The following RUFY4 variants were observed in gnomAD, a reference collection of about 807,000 sequenced individuals.
RUFY4 encodes the protein RUN and FYVE domain-containing protein 4.
RUFY4 carries 73 observed loss-of-function variants against 69.0 expected under a neutral mutation model. The ratio of observed to expected loss-of-function variants is 1.06; its 90% confidence interval spans 0.88 to 1.29. The LOEUF is 1.29. Ranked by LOEUF, RUFY4 falls within the 50% of genes most tolerant of loss-of-function variation. RUFY4 has a pLI of 0.00. For missense variants in RUFY4, 770 were observed against 705.6 expected (o/e 1.09, Z -1.03); for synonymous variants, 287 against 271.8 (o/e 1.06, Z -0.55).
chr2:218,089,296 T>C (rs1250902633), exon 10 of RUFY4: 3 of 1,613,888 alleles, frequency 1.9e-6, no homozygotes, highest in Non-Finnish European at 8.5e-7. Flanking sequence ...CTCTCTTCCA[T>C]GGCTCCCGAG....
chr2:218,073,131 C>T lies in RUFY4; in HGVS notation c.387-112C>T, dbSNP rs757948857. 5.9e-4 allele frequency: 691 copies of T among 1,170,346 alleles called. 1 individual carries two copies. Among genetic ancestry groups the T allele is most frequent in the Non-Finnish European group, 6.3e-4 (556 of 879,320 alleles). The allele number at this position is 1,170,346 out of a possible 1,614,324, so 72.5% of individuals were successfully genotyped here. A position where few individuals can be genotyped will look rare whatever the true frequency, so the allele number is the denominator to read the frequency against. On this transcript the variant is annotated intron_variant, in intron 4 of 10. Coordinates refer to ENST00000344321, the Ensembl canonical transcript of RUFY4. ...CTCTGCCTGGGGAACAGCCTCATGA[C>T]GGTGTGTAGTGGAGGCTGCTTTGTT... is the stretch of plus-strand genomic sequence containing the variant.
At chr2:218,071,888 T>G (rs1219511731) in intron 2 of RUFY4, among the ~76,000 whole-genome samples, 1 of 152,096 alleles carries the variant, frequency 6.6e-6, no homozygotes, top group Non-Finnish European at 1.5e-5. Flanking sequence ...CTCAGCCCCA[T>G]CCCTGGGGCT....
At chr2:218,084,956 G>A (rs912429354) in intron 9 of RUFY4, among the ~76,000 whole-genome samples, 1 of 152,166 alleles carries the variant, frequency 6.6e-6, no homozygotes, top group Non-Finnish European at 1.5e-5. Flanking sequence ...GCTGAGGCAG[G>A]AGAATCACTT....
intron 2 of RUFY4, among the ~76,000 whole-genome samples, chr2:218,036,456 C>A (rs1035536866): frequency 5.3e-5 from 8 of 152,096 alleles, no homozygotes; most frequent in East Asian, 1.9e-4. Context: ...GGGGTGAGAA[C>A]GAGTGAGTCT....
chr2:218,072,847 G>A (rs758719065), exon 4 of RUFY4: 55 of 1,535,948 alleles, frequency 3.6e-5, no homozygotes, highest in Non-Finnish European at 4.8e-5. Flanking sequence ...AGCTGGCTGA[G>A]GCCCTGCAGC....
upstream of RUFY4, among the ~76,000 whole-genome samples, chr2:218,066,955 C>G (rs967147728): frequency 1.3e-5 from 2 of 152,250 alleles, no homozygotes; most frequent in African/African-American, 4.8e-5. Context: ...GATACCGATA[C>G]ACCTGTGTGT....
rs1385651083 is a variant in RUFY4, at chr2:218,070,794, G to A, written c.88G>A (p.Gly30Arg). Reference sequence around the variant, plus strand: ...CCTCCAGGGCTATGGGGATGGGCAGGGGCCAGTGACGGACACCAGTGCCGA... The same window carrying A: ...CCTCCAGGGCTATGGGGATGGGCAGAGGCCAGTGACGGACACCAGTGCCGA... The change falls in exon 2 of 11, where the codon GGG becomes AGG. Residue 30 changes from glycine to arginine, a missense_variant. By Grantham distance (125) the Gly-to-Arg change is moderately radical (BLOSUM62 -2). Transcript: ENST00000344321. The A allele has an allele frequency of 2.0e-6, 3 of 1,537,198 alleles. No individual in the cohort carries two copies. The highest frequency in any genetic ancestry group is 3.9e-5 in the Admixed American group (2 of 50,978).
chr2:218,073,694 G>A, intron 5 of RUFY4, 122 bp from the exon 8 acceptor site: 2 of 1,055,358 alleles, frequency 1.9e-6, no homozygotes, highest in Non-Finnish European at 2.8e-6. Flanking sequence ...AGGGTGGGTG[G>A]GCAGGAAGGA....
chr2:218,035,752 C>A (rs1314677113), intron 2 of RUFY4, among the ~76,000 whole-genome samples: 1 of 152,222 alleles, frequency 6.6e-6, no homozygotes, highest in Non-Finnish European at 1.5e-5. Flanking sequence ...AGGAGAGAGG[C>A]AGTATTAAAA....
chr2:218,090,070 G>A, exon 11 of RUFY4: 2 of 1,497,532 alleles, frequency 1.3e-6, no homozygotes, highest in South Asian at 1.2e-5. Flanking sequence ...ACCAAGACCA[G>A]CCCATGACTG....
At chr2:218,090,215 TG>T in exon 11 of RUFY4, 3 of 411,748 alleles carry the variant, frequency 7.3e-6, no homozygotes, top group Non-Finnish European at 4.9e-6. Context: ...GAGTAGGGTG[TG>T]GGGAGTGGTT....
chr2:218,069,710 G>A (rs147141844), upstream of RUFY4, among the ~76,000 whole-genome samples: 2,454 of 151,996 alleles, frequency 0.016, 60 homozygotes, highest in African/African-American at 0.055. Flanking sequence ...TCCCTCCACT[G>A]TGTCCCACTG....
intron 2 of RUFY4, among the ~76,000 whole-genome samples, chr2:218,072,076 G>T (rs1689501637): frequency 6.6e-6 from 1 of 152,040 alleles, no homozygotes; most frequent in Admixed American, 6.5e-5. Context: ...GTATCAAGAT[G>T]TAAGTTCCAT....
At chr2:218,089,584 G>T in intron 10 of RUFY4, 1 of 670,850 alleles carries the variant, frequency 1.5e-6, no homozygotes, top group Non-Finnish European at 2.7e-6. Flanking sequence ...CGGGGAGTGG[G>T]ATTGGGTCCC....
intron 8 of RUFY4, among the ~76,000 whole-genome samples, chr2:218,077,228 T>C (rs1318783403): frequency 7.3e-6 from 1 of 136,174 alleles, no homozygotes; most frequent in Non-Finnish European, 1.6e-5. Context: ...TGCCTGCACT[T>C]CAGTCTCTCC....
At chr2:218,077,395 T>A (rs749408116) in intron 8 of RUFY4, among the ~76,000 whole-genome samples, 49 of 152,330 alleles carry the variant, frequency 3.2e-4, no homozygotes, top group Admixed American at 9.1e-4. Context: ...TCTTTCTTTT[T>A]GTAGAGACGA....
Position 218,072,912 on chromosome 2 carries a change from C to A in RUFY4, c.386+27C>A, listed in dbSNP as rs532821575. On this transcript the variant is annotated intron_variant, in intron 4 of 10. Transcript: ENST00000344321. Reference sequence around the variant, plus strand: ...TGGGGCTGTTGGGACATCCTCCTGCCGATGCCATCTGAGCCACTTTCCCTC... The same window carrying A: ...TGGGGCTGTTGGGACATCCTCCTGCAGATGCCATCTGAGCCACTTTCCCTC... The A allele has an allele frequency of 3.4e-6, 5 of 1,481,040 alleles. No homozygotes were observed. In the Admixed American group the frequency reaches 1.1e-4, roughly 34 times the overall value. The allele number at this position is 1,481,040 out of a possible 1,614,324, so 91.7% of individuals were successfully genotyped here.
chr2:218,070,818 G>T lies in RUFY4; in HGVS notation c.112G>T (p.Glu38Ter). The T allele has an allele frequency of 1.3e-6, 2 of 1,537,174 alleles. No homozygotes were observed. The highest frequency in any genetic ancestry group is 4.9e-5 in the East Asian group (2 of 41,028). Residue 38 changes from glutamate to a stop codon, truncating the protein, a stop_gained, in exon 2 of 11, where the codon GAG (glutamate) becomes TAG (stop). Coordinates refer to ENST00000344321, the Ensembl canonical transcript of RUFY4. LOFTEE classifies it high-confidence loss of function. ...GGGGCCAGTGACGGACACCAGTGCCGAGCTGCACAGACTCTGTGGCTGCCT... is the reference window on the plus strand; with the variant it reads ...GGGGCCAGTGACGGACACCAGTGCCTAGCTGCACAGACTCTGTGGCTGCCT...
chr2:218,046,959 T>G (rs1239843496), intron 2 of RUFY4, among the ~76,000 whole-genome samples: 1 of 151,196 alleles, frequency 6.6e-6, no homozygotes, highest in East Asian at 1.9e-4. Flanking sequence ...AAACACTTGA[T>G]TAAATAGGTA....
Sources: allele counts gnomAD v4.1 joint callset (sites outside exome capture counted in the v4.1 genomes callset), GRCh38; gene constraint gnomAD v4.1.1; transcripts MANE v1.5; gene names NCBI Gene and HGNC (gene_info 2026-07-23, HGNC 2026-07-21).